Variants in LMBR1 observed in about 807,000 individuals in gnomAD.
LMBR1 encodes the protein limb region 1 protein homolog.
A neutral mutation model predicts 73.9 loss-of-function variants in LMBR1; 52 were observed. The observed-to-expected ratio is 0.70, with a 90% CI of 0.56 to 0.89. The LOEUF (loss-of-function observed/expected upper bound fraction) is 0.89, where lower values mean the gene tolerates loss of function less well. LMBR1 is among the 40% of genes least tolerant of loss of function. The probability of loss-of-function intolerance (pLI) is 0.00; values close to 1 mark genes in which losing one functional copy is unlikely to be tolerated. For missense variants in LMBR1, 539 were observed against 579.8 expected, an observed-to-expected ratio of 0.93 and a Z score of 0.72; for synonymous variants, 215 against 209.4, an observed-to-expected ratio of 1.03 and a Z score of -0.23.
intron 12 of LMBR1, among the ~76,000 whole-genome samples, chr7:156,726,765 C>T (rs1160927303): frequency 6.6e-6 from 1 of 152,212 alleles, no homozygotes; most frequent in African/African-American, 2.4e-5. Context: ...AGGTCACACA[C>T]TGATCTGTCT....
At chr7:156,831,669 C>T (rs1196964537) in intron 3 of LMBR1, among the ~76,000 whole-genome samples, 4 of 152,192 alleles carry the variant, frequency 2.6e-5, no homozygotes, top group African/African-American at 7.2e-5. Flanking sequence ...CCAAACCCCT[C>T]GCACGTGCTG....
intron 3 of LMBR1, among the ~76,000 whole-genome samples, chr7:156,829,546 T>C (rs1176874871): frequency 8.1e-6 from 1 of 123,164 alleles, no homozygotes; most frequent in African/African-American, 3.1e-5. Flanking sequence ...GATGGCAGTG[T>C]CATGCTTGTA....
rs147498056 is a variant in LMBR1, at chr7:156,708,181, C to T, written c.1225+15931G>A. ...TCCCACTTGGAAGGACAGAACAGTG[C>T]GCGGAGACTCACACCATCAACTTTT... On this transcript the variant is annotated intron_variant, in intron 15 of 16. Coordinates refer to ENST00000353442, the MANE Select transcript of LMBR1 (RefSeq NM_022458.4). Among the ~76,000 whole-genome samples the T allele has an allele frequency of 2.7e-3, 409 of 152,172 alleles. 2 individuals carry two copies. Among genetic ancestry groups the T allele is most frequent in the African/African-American group, 9.4e-3 (390 of 41,504 alleles).
intron 15 of LMBR1, among the ~76,000 whole-genome samples, chr7:156,720,602 T>G (rs1042134507): frequency 1.3e-5 from 2 of 151,950 alleles, no homozygotes; most frequent in African/African-American, 4.8e-5. Context: ...TGCTCAGATA[T>G]AAGAACATTA....
Position 156,833,670 on chromosome 7 carries a change from T to A in LMBR1, c.179+83A>T, listed in dbSNP as rs976978816. ...TGTGCTGGGTGAATATTTTCCATAC[T>A]TCTATCCAAAAATTAGAATTGGATT... On this transcript the variant is annotated intron_variant, in intron 3 of 16. Transcript: ENST00000353442. 3 of 1,022,126 alleles carry A rather than the reference T, an allele frequency of 2.9e-6. No individual in the cohort carries two copies. The African/African-American group carries it at 4.8e-5, about 16-fold the overall frequency. 63.3% of individuals were successfully genotyped at this position (1,022,126 alleles called of 1,614,324 possible).
chr7:156,684,414 A>G (rs1409753383), intron 16 of LMBR1, among the ~76,000 whole-genome samples: 2 of 152,116 alleles, frequency 1.3e-5, no homozygotes, highest in African/African-American at 4.8e-5. Context: ...GAGGGTCCTA[A>G]GAGCCTGTCC....
chr7:156,868,354 TG>T (rs1798775920), intron 1 of LMBR1, among the ~76,000 whole-genome samples: 1 of 151,962 alleles, frequency 6.6e-6, no homozygotes, highest in South Asian at 2.1e-4. Flanking sequence ...CCCCCATGCC[TG>T]GCTAAGGAAA....
chr7:156,795,250 T>C (rs1353182755), intron 5 of LMBR1, among the ~76,000 whole-genome samples: 3 of 152,178 alleles, frequency 2.0e-5, no homozygotes, highest in South Asian at 4.1e-4. Flanking sequence ...AATCAAGATA[T>C]CCTTTCCTTT....
rs151154732 is a variant in LMBR1 at position 156,885,329 on chromosome 7, G to C, written c.66+7599C>G. On this transcript the variant is annotated intron_variant, in intron 1 of 16. Coordinates refer to ENST00000353442, the MANE Select transcript of LMBR1 (RefSeq NM_022458.4). Reference sequence around the variant, plus strand: ...GATCGCTCCACTGCATTCCAGCCTCGGTGACAGAGCGAGACTCCGTGTAAA... The same window carrying C: ...GATCGCTCCACTGCATTCCAGCCTCCGTGACAGAGCGAGACTCCGTGTAAA... Among the ~76,000 whole-genome samples, 180 of 151,600 alleles carry C rather than the reference G, an allele frequency of 1.2e-3. 1 individual carries two copies. The highest frequency in any genetic ancestry group is 2.6e-3 in the Admixed American group (40 of 15,214).
chr7:156,812,944 T>C (rs1299595467), intron 4 of LMBR1, among the ~76,000 whole-genome samples: 3 of 152,182 alleles, frequency 2.0e-5, no homozygotes, highest in Admixed American at 2.0e-4. Flanking sequence ...GCACCTTGTT[T>C]GCCCCCATCT....
At chr7:156,780,749 G>C (rs1414959625) in intron 5 of LMBR1, among the ~76,000 whole-genome samples, 1 of 152,306 alleles carries the variant, frequency 6.6e-6, no homozygotes, top group South Asian at 2.1e-4. Flanking sequence ...ACACTCAAAA[G>C]TGAAATAATT....
intron 5 of LMBR1, among the ~76,000 whole-genome samples, chr7:156,781,743 A>G (rs1230125895): frequency 1.3e-5 from 2 of 152,148 alleles, no homozygotes; most frequent in Non-Finnish European, 2.9e-5. Context: ...AACCAAGTCA[A>G]CCTTCTGCAC....
At chr7:156,889,234 T>A (rs777810322) in intron 1 of LMBR1, among the ~76,000 whole-genome samples, 13 of 152,174 alleles carry the variant, frequency 8.5e-5, no homozygotes, top group Admixed American at 3.3e-4. Flanking sequence ...AATGGAGAGT[T>A]ACTGTTTCAT....
chr7:156,833,752 C>T lies in LMBR1; in HGVS notation c.179+1G>A, dbSNP rs747392488. On this transcript the variant is annotated splice_donor_variant, in intron 3 of 16. Coordinates refer to ENST00000353442, the MANE Select transcript of LMBR1 (RefSeq NM_022458.4). LOFTEE classifies it high-confidence loss of function. ...GAACAACTGAACTTTAAAATACATACGAAATCCTGTTGACGATGGCATCTT... is the reference window on the plus strand; with the variant it reads ...GAACAACTGAACTTTAAAATACATATGAAATCCTGTTGACGATGGCATCTT... 7.5e-6 allele frequency: 12 copies of T among 1,596,616 alleles called. No individual in the cohort carries two copies. The highest frequency in any genetic ancestry group is 2.7e-5 in the African/African-American group (2 of 74,272).
chr7:156,716,645 T>C (rs1284249334), intron 15 of LMBR1, among the ~76,000 whole-genome samples: 1 of 152,208 alleles, frequency 6.6e-6, no homozygotes, highest in African/African-American at 2.4e-5. Flanking sequence ...CCTTATTTCT[T>C]TTGGTTTGGT....
chr7:156,855,666 CAA>C lies in LMBR1; in HGVS notation c.67-18783_67-18782del, dbSNP rs35231167. Among the ~76,000 whole-genome samples, 282 of 87,270 alleles carry C rather than the reference CAA, an allele frequency of 3.2e-3. 1 individual carries two copies. The highest frequency in any genetic ancestry group is 8.1e-3 in the African/African-American group (181 of 22,266). 57.3% of individuals were successfully genotyped at this position (87,270 alleles called of 152,430 possible). A position where few individuals can be genotyped will look rare whatever the true frequency, so the allele number is the denominator to read the frequency against. ...CACAGACCAACAAACAACGTAAATACAAAAAAAAAAAAAAAAAAAAACCTATG... is the reference window on the plus strand; with the variant it reads ...CACAGACCAACAAACAACGTAAATACAAAAAAAAAAAAAAAAAAACCTATG... On this transcript the variant is annotated intron_variant, in intron 1 of 16. Coordinates refer to ENST00000353442, the MANE Select transcript of LMBR1 (RefSeq NM_022458.4).
intron 5 of LMBR1, among the ~76,000 whole-genome samples, chr7:156,766,716 C>G (rs1217594706): frequency 1.3e-5 from 2 of 152,074 alleles, no homozygotes; most frequent in African/African-American, 4.8e-5. Context: ...GCAGGAGGAG[C>G]AGGGACCCCA....
intron 1 of LMBR1, among the ~76,000 whole-genome samples, chr7:156,891,211 A>AAAAAAAAAAAATAT (rs1802875174): frequency 2.5e-5 from 2 of 81,488 alleles, no homozygotes; most frequent in African/African-American, 1.0e-4. Flanking sequence ...AAAAAAAAAA[A>AAAAAAAAAAAATAT]ATATATATAT....
intron 5 of LMBR1, chr7:156,779,728 C>T: frequency 3.1e-6 from 4 of 1,284,428 alleles, no homozygotes; most frequent in Non-Finnish European, 4.1e-6. Flanking sequence ...GGACATCTTG[C>T]CCTCCTGTAA....
Sources: gnomAD v4.1 joint callset for allele counts (sites outside exome capture counted in the v4.1 genomes callset) on GRCh38, gnomAD v4.1.1 for gene constraint, MANE v1.5 for transcripts, NCBI Gene and HGNC (gene_info 2026-07-23, HGNC 2026-07-21) for gene names.